Variants in RPGRIP1L observed in about 807,000 individuals in gnomAD.
RPGRIP1L encodes RPGRIP1 like.
Under a neutral mutation model 160.4 loss-of-function variants are expected in RPGRIP1L, and 131 were observed. The observed-to-expected ratio is 0.82, with a 90% CI of 0.71 to 0.94. The LOEUF (loss-of-function observed/expected upper bound fraction) is 0.94. Ranked by LOEUF, RPGRIP1L falls within the 40% of genes least tolerant of loss-of-function variation. RPGRIP1L has a pLI of 0.00. For missense variants in RPGRIP1L, 1,522 were observed against 1,535.8 expected, an observed-to-expected ratio of 0.99 and a Z score of 0.15; for synonymous variants, 510 against 515.8, an observed-to-expected ratio of 0.99 and a Z score of 0.15.
At chr16:53,660,601 A>G (rs911124495) in intron 10 of RPGRIP1L, among the ~76,000 whole-genome samples, 1 of 152,082 alleles carries the variant, frequency 6.6e-6, no homozygotes, top group East Asian at 1.9e-4. Flanking sequence ...CAATACAGAG[A>G]CATTTTACAT....
intron 6 of RPGRIP1L, 55 bp from the exon 7 acceptor site, chr16:53,675,177 A>G: frequency 8.6e-7 from 1 of 1,167,466 alleles, no homozygotes; most frequent in Non-Finnish European, 1.3e-6. Flanking sequence ...GCAAGTTAGA[A>G]GAAAATCTAT....
chr16:53,652,078 A>AT (rs149896787), intron 15 of RPGRIP1L, among the ~76,000 whole-genome samples: 7,604 of 150,030 alleles, frequency 0.051, 634 homozygotes, highest in African/African-American at 0.18. Context: ...CATCAATGAC[A>AT]TTTTTTTTTT....
chr16:53,693,182 G>A (rs1448711340), intron 3 of RPGRIP1L: 1 of 152,164 alleles, frequency 6.6e-6, no homozygotes. Flanking sequence ...AGAAAAGGTG[G>A]CTTTGATGAG....
chr16:53,650,631 G>A (rs948988840), intron 15 of RPGRIP1L, among the ~76,000 whole-genome samples: 2 of 152,252 alleles, frequency 1.3e-5, no homozygotes, highest in Middle Eastern at 3.4e-3. Flanking sequence ...GGGACCCAGG[G>A]TGGCTAAGGA....
chr16:53,697,895 G>A (rs1352688405), intron 2 of RPGRIP1L, among the ~76,000 whole-genome samples: 166 of 150,958 alleles, frequency 1.1e-3, no homozygotes, highest in African/African-American at 3.7e-3. Flanking sequence ...CTGCCCGGCC[G>A]CCATCCCATC....
At chr16:53,647,112 T>C (rs1436054072) in intron 16 of RPGRIP1L, among the ~76,000 whole-genome samples, 1 of 152,188 alleles carries the variant, frequency 6.6e-6, no homozygotes, top group Non-Finnish European at 1.5e-5. Context: ...GTGGTCTCCT[T>C]ATCTCTAACT....
At chr16:53,686,085 A>G (rs1435505852) in intron 6 of RPGRIP1L, among the ~76,000 whole-genome samples, 4 of 152,206 alleles carry the variant, frequency 2.6e-5, no homozygotes, top group Non-Finnish European at 1.5e-5. Flanking sequence ...TGTACAAGAT[A>G]TGCCAACAGT....
intron 2 of RPGRIP1L, among the ~76,000 whole-genome samples, chr16:53,698,215 C>G (rs1488383443): frequency 6.6e-6 from 1 of 151,798 alleles, no homozygotes; most frequent in South Asian, 2.1e-4. Context: ...GCAGCCACCC[C>G]GTCTGGGAAG....
At chr16:53,634,655 T>C (rs1555596565) in intron 22 of RPGRIP1L, among the ~76,000 whole-genome samples, 2 of 151,380 alleles carry the variant, frequency 1.3e-5, no homozygotes, top group Non-Finnish European at 3.0e-5. Flanking sequence ...CTCACCTCTC[T>C]CTCTCCTCCT....
intron 24 of RPGRIP1L, among the ~76,000 whole-genome samples, chr16:53,611,330 CT>C (rs999039226): frequency 1.3e-5 from 2 of 152,234 alleles, no homozygotes; most frequent in African/African-American, 4.8e-5. Context: ...GTTAATGGCA[CT>C]GGCAGTCATG....
chr16:53,615,126 T>C (rs1180191518), intron 24 of RPGRIP1L, among the ~76,000 whole-genome samples: 1 of 152,194 alleles, frequency 6.6e-6, no homozygotes, highest in Admixed American at 6.5e-5. Context: ...TCTTCATCTT[T>C]TGAATTAAAC....
rs1970426323 is a variant in RPGRIP1L at position 53,692,124 on chromosome 16, A to G, written c.471T>C (p.Ile157=). The G allele has an allele frequency of 1.9e-6, 3 of 1,613,910 alleles. No homozygotes were observed. Among genetic ancestry groups the G allele is most frequent in the Non-Finnish European group, 1.7e-6 (2 of 1,180,012 alleles). ...QTPYNNVQSR[I]NTGRRKANEN... is the part of the protein sequence containing the mutation. ...CATTTGCTTTTCTACGCCCAGTGTT[A>G]ATACGAGATTGTACATTATTGTATG... Residue 157 remains isoleucine (I), a synonymous_variant, in exon 4 of 27, where the codon ATT becomes ATC. Transcript: ENST00000647211.
intron 22 of RPGRIP1L, among the ~76,000 whole-genome samples, chr16:53,635,966 C>T (rs919872692): frequency 1.1e-4 from 16 of 152,238 alleles, no homozygotes; most frequent in African/African-American, 3.8e-4. Context: ...AGATTAATTG[C>T]TTTCTAAGAA....
intron 13 of RPGRIP1L, among the ~76,000 whole-genome samples, chr16:53,657,240 C>CA (rs566844630): frequency 1.5e-3 from 212 of 143,060 alleles, no homozygotes; most frequent in Non-Finnish European, 2.4e-3. Context: ...AACTCTGTCT[C>CA]AAAAAAAAAA....
intron 24 of RPGRIP1L, among the ~76,000 whole-genome samples, chr16:53,617,539 C>A (rs1301170986): frequency 1.3e-5 from 2 of 152,190 alleles, no homozygotes; most frequent in Non-Finnish European, 2.9e-5. Context: ...AGATTCTTGT[C>A]CTGTCCACAC....
At chr16:53,642,546 A>C (rs1966294189) in intron 17 of RPGRIP1L, among the ~76,000 whole-genome samples, 1 of 152,194 alleles carries the variant, frequency 6.6e-6, no homozygotes, top group Admixed American at 6.5e-5. Context: ...TGGCTAAGTA[A>C]AAAGCTCAGC....
At chr16:53,689,140 T>G (rs1050706542) in intron 4 of RPGRIP1L, among the ~76,000 whole-genome samples, 1 of 151,272 alleles carries the variant, frequency 6.6e-6, no homozygotes. Context: ...TATTTGTACA[T>G]ATCACTGGGG....
At chr16:53,645,602 T>C in intron 17 of RPGRIP1L, 23 bp downstream of exon 17, 3 of 1,607,314 alleles carry the variant, frequency 1.9e-6, no homozygotes, top group South Asian at 1.1e-5. Flanking sequence ...TACAATTTTA[T>C]AGATTCAAAA....
Position 53,598,753 on chromosome 16 carries a change from C to T in RPGRIP1L, c.*3323G>A, listed in dbSNP as rs1963272314. On this transcript the variant is annotated 3_prime_UTR_variant, in exon 27 of 27. Coordinates refer to ENST00000647211, the MANE Select transcript of RPGRIP1L (RefSeq NM_015272.5). ...TTTAGTTTTTCTTTGTTAAGGTAGT[C>T]AGAGGCCTTCAGGCATGAGTGACTT... 1 of 152,162 alleles carries T rather than the reference C, an allele frequency of 6.6e-6. No homozygotes were observed. Among genetic ancestry groups the T allele is most frequent in the Non-Finnish European group, 1.5e-5 (1 of 68,028 alleles). The allele number at this position is 152,162 out of a possible 1,614,324, so 9.4% of individuals were successfully genotyped here. A position where few individuals can be genotyped will look rare whatever the true frequency, so the allele number is the denominator to read the frequency against.
Sources: allele counts gnomAD v4.1 joint callset (sites outside exome capture counted in the v4.1 genomes callset), GRCh38; gene constraint gnomAD v4.1.1; transcripts MANE v1.5; gene names NCBI Gene and HGNC (gene_info 2026-07-23, HGNC 2026-07-21).